IL15: variants seen among roughly 807,000 people sequenced by gnomAD.
IL15 encodes the protein interleukin 15, also known as interleukin-15.
Under a neutral mutation model 19.6 loss-of-function variants are expected in IL15, and 11 were observed. That is an observed-to-expected ratio of 0.56 (90% confidence interval 0.35 to 0.93). The LOEUF is 0.93. Ranked by LOEUF, IL15 falls within the 40% of genes least tolerant of loss-of-function variation. IL15 has a pLI of 0.01. For missense variants in IL15, 197 were observed against 186.5 expected (o/e 1.06, Z -0.33); for synonymous variants, 58 against 59.6 (o/e 0.97, Z 0.12).
At chr4:141,694,538 A>G (rs576949281) in intron 2 of IL15, among the ~76,000 whole-genome samples, 3 of 152,284 alleles carry the variant, frequency 2.0e-5, no homozygotes, top group African/African-American at 7.2e-5. Flanking sequence ...GGGAGGTGGT[A>G]CATGCTTATA....
At chr4:141,723,290 T>A (rs1459586202) in intron 5 of IL15, among the ~76,000 whole-genome samples, 1 of 152,162 alleles carries the variant, frequency 6.6e-6, no homozygotes, top group Non-Finnish European at 1.5e-5. Context: ...ATATAATTAA[T>A]GAAATTAAGA....
In IL15 at chr4:141,689,087, G is replaced by A. The variant is rs541596365; in HGVS notation, c.-99-30279G>A. 7.0e-5 allele frequency: 11 copies of A among 156,356 alleles called. No individual in the cohort carries two copies. In the South Asian group the frequency reaches 1.4e-3, roughly 20 times the overall value. 9.7% of individuals were successfully genotyped at this position (156,356 alleles called of 1,614,324 possible). A position where few individuals can be genotyped will look rare whatever the true frequency, so the allele number is the denominator to read the frequency against. ...GCATCTGGAGTTGTTCGTTCCTCCC[G>A]GTGGGCTCATGGGCTCACTGGCTTC... On this transcript the variant is annotated intron_variant, in intron 2 of 7. Coordinates refer to ENST00000320650, the MANE Select transcript of IL15 (RefSeq NM_000585.5).
At chr4:141,716,876 T>C (rs1167442134) in intron 2 of IL15, 1 of 152,240 alleles carries the variant, frequency 6.6e-6, no homozygotes, top group Admixed American at 6.5e-5. Context: ...AGATTTAATA[T>C]TGTTCTCCCT....
rs1380927879 is a variant in IL15, at chr4:141,649,369, T to G, written c.-221-6817T>G. On this transcript the variant is annotated intron_variant, in intron 1 of 7. Coordinates refer to ENST00000320650, the MANE Select transcript of IL15 (RefSeq NM_000585.5). ...TCATGAGATACTTTCCTTCCCACTT[T>G]TCAGATAAGTAAACTGAAGCACCAG... 2.6e-5 allele frequency among the ~76,000 whole-genome samples: 4 copies of G among 152,092 alleles called. No individual in the cohort carries two copies. In the East Asian group the frequency reaches 5.8e-4, roughly 22 times the overall value.
At chr4:141,693,003 C>A (rs929249626) in intron 2 of IL15, among the ~76,000 whole-genome samples, 29 of 40,858 alleles carry the variant, frequency 7.1e-4, no homozygotes, top group African/African-American at 3.1e-3. Context: ...GGGAACAGAG[C>A]AAGACTCCGT....
intron 2 of IL15, among the ~76,000 whole-genome samples, chr4:141,672,558 C>T (rs907352015): frequency 6.6e-6 from 1 of 152,112 alleles, no homozygotes; most frequent in Non-Finnish European, 1.5e-5. Context: ...TAATTTATAT[C>T]CCACACTATC....
chr4:141,697,387 G>C (rs1391192754), intron 2 of IL15, among the ~76,000 whole-genome samples: 1 of 152,026 alleles, frequency 6.6e-6, no homozygotes, highest in Non-Finnish European at 1.5e-5. Flanking sequence ...TTTCATTCCA[G>C]TACTATGCTG....
intron 5 of IL15, among the ~76,000 whole-genome samples, chr4:141,726,251 A>G (rs938429557): frequency 6.6e-6 from 1 of 152,162 alleles, no homozygotes; most frequent in Non-Finnish European, 1.5e-5. Flanking sequence ...AAAAATAAAT[A>G]AAAGGCACAC....
chr4:141,652,121 G>A (rs1727427940), intron 1 of IL15, among the ~76,000 whole-genome samples: 1 of 152,018 alleles, frequency 6.6e-6, no homozygotes, highest in African/African-American at 2.4e-5. Flanking sequence ...CAGAAAAAAT[G>A]AAAAGCAAAA....
chr4:141,694,033 G>A (rs1001992360), intron 2 of IL15, among the ~76,000 whole-genome samples: 12 of 152,190 alleles, frequency 7.9e-5, no homozygotes, highest in Non-Finnish European at 1.3e-4. Context: ...ATGGAACAAT[G>A]GTGTTGAGAA....
intron 4 of IL15, chr4:141,721,715 T>A (rs1730088153): frequency 3.5e-6 from 2 of 571,612 alleles, no homozygotes; most frequent in Admixed American, 6.2e-5. Flanking sequence ...TCCGGGTTGG[T>A]GAAGCCTCAA....
chr4:141,719,567 T>C (rs1003124827), intron 3 of IL15, 91 bp downstream of exon 3: 30 of 1,009,424 alleles, frequency 3.0e-5, no homozygotes, highest in Admixed American at 1.5e-4. Flanking sequence ...ACATGGTTAT[T>C]CTCCAAAGAT....
At chr4:141,679,006 A>G (rs1473410840) in intron 2 of IL15, among the ~76,000 whole-genome samples, 3 of 152,140 alleles carry the variant, frequency 2.0e-5, no homozygotes, top group Admixed American at 6.5e-5. Context: ...CAGCTTTTGA[A>G]TCTTGTTTGC....
rs866347973 is a variant in IL15 at position 141,680,365 on chromosome 4, T to C, written c.-100+24058T>C. On this transcript the variant is annotated intron_variant, in intron 2 of 7. Transcript: ENST00000320650. ...GAGCTATCCCCTGTGTTTTATGCAC[T>C]TCATTCTACTGAATGAATATTGTAT... Among the ~76,000 whole-genome samples the C allele has an allele frequency of 9.2e-5, 14 of 152,242 alleles. 1 individual carries two copies. Among genetic ancestry groups the C allele is most frequent in the African/African-American group, 2.7e-4 (11 of 41,466 alleles).
intron 2 of IL15, among the ~76,000 whole-genome samples, chr4:141,693,220 A>G (rs1026675800): frequency 6.6e-6 from 1 of 151,964 alleles, no homozygotes; most frequent in African/African-American, 2.4e-5. Flanking sequence ...CTTTTAAACT[A>G]TCAGATCTTG....
intron 1 of IL15, among the ~76,000 whole-genome samples, chr4:141,651,174 T>TAC (rs1210365665): frequency 2.6e-5 from 4 of 151,652 alleles, no homozygotes; most frequent in East Asian, 1.9e-4. Context: ...TATATATATA[T>TAC]ACACACACAC....
intron 2 of IL15, chr4:141,718,901 A>C (rs1472734661): frequency 6.6e-6 from 1 of 152,164 alleles, no homozygotes; most frequent in African/African-American, 2.4e-5. Context: ...AAAAAATAAA[A>C]TTTTCTTGGT....
chr4:141,698,804 TG>T (rs1245777954), intron 2 of IL15, among the ~76,000 whole-genome samples: 2 of 152,058 alleles, frequency 1.3e-5, no homozygotes, highest in Non-Finnish European at 2.9e-5. Flanking sequence ...ATTTATCTTT[TG>T]TATTTTTTTC....
At chr4:141,652,591 A>T (rs1727446837) in intron 1 of IL15, among the ~76,000 whole-genome samples, 2 of 152,284 alleles carry the variant, frequency 1.3e-5, no homozygotes, top group South Asian at 4.1e-4. Flanking sequence ...TCCAATGCTC[A>T]GGCTAAATCA....
Sources: gnomAD v4.1 joint callset for allele counts (sites outside exome capture counted in the v4.1 genomes callset) on GRCh38, gnomAD v4.1.1 for gene constraint, MANE v1.5 for transcripts, NCBI Gene and HGNC (gene_info 2026-07-23, HGNC 2026-07-21) for gene names.